TMEM108: variants seen among roughly 807,000 people sequenced by gnomAD.
The protein encoded by TMEM108 is cancer/testis antigen 124.
A neutral mutation model predicts 35.1 loss-of-function variants in TMEM108; 12 were observed. The observed-to-expected ratio is 0.34, with a 90% CI of 0.22 to 0.55. The LOEUF (loss-of-function observed/expected upper bound fraction) is 0.55, where lower values mean the gene tolerates loss of function less well. Ranked by LOEUF, TMEM108 falls within the 20% of genes least tolerant of loss-of-function variation. The probability of loss-of-function intolerance (pLI) is 0.89; values close to 1 mark genes in which losing one functional copy is unlikely to be tolerated. For missense variants in TMEM108, 680 were observed against 753.3 expected (o/e 0.90, Z 1.14); for synonymous variants, 287 against 308.6 (o/e 0.93, Z 0.73).
chr3:133,234,651 A>G (rs1429719691), intron 3 of TMEM108, among the ~76,000 whole-genome samples: 1 of 152,156 alleles, frequency 6.6e-6, no homozygotes, highest in Non-Finnish European at 1.5e-5. Context: ...ATCATACTGA[A>G]TGGGCAAAAA....
At chr3:133,357,884 G>A (rs897377947) in intron 3 of TMEM108, among the ~76,000 whole-genome samples, 1 of 152,042 alleles carries the variant, frequency 6.6e-6, no homozygotes, top group African/African-American at 2.4e-5. Flanking sequence ...CACCACTGTA[G>A]AACTCATCCA....
At chr3:133,055,583 G>C (rs1943456703) in intron 2 of TMEM108, among the ~76,000 whole-genome samples, 2 of 152,276 alleles carry the variant, frequency 1.3e-5, no homozygotes, top group South Asian at 4.1e-4. Context: ...AGATCCCTGA[G>C]GGCCTAGGAC....
chr3:133,061,316 A>G (rs1215770371), intron 2 of TMEM108, among the ~76,000 whole-genome samples: 1 of 149,188 alleles, frequency 6.7e-6, no homozygotes, highest in African/African-American at 2.5e-5. Flanking sequence ...GGTTCACGCC[A>G]TTCTCCACCT....
At chr3:133,241,237 G>A (rs1946308405) in intron 3 of TMEM108, among the ~76,000 whole-genome samples, 1 of 152,246 alleles carries the variant, frequency 6.6e-6, no homozygotes, top group Non-Finnish European at 1.5e-5. Flanking sequence ...GATGGACACT[G>A]GAGATTCTTC....
At chr3:133,193,543 T>C (rs1348176443) in intron 2 of TMEM108, among the ~76,000 whole-genome samples, 1 of 152,186 alleles carries the variant, frequency 6.6e-6, no homozygotes, top group Non-Finnish European at 1.5e-5. Context: ...ACCTAAACTT[T>C]CTTAGCACTC....
At chr3:133,394,998 A>G (rs2073285418) in intron 5 of TMEM108, among the ~76,000 whole-genome samples, 1 of 152,224 alleles carries the variant, frequency 6.6e-6, no homozygotes, top group Non-Finnish European at 1.5e-5. Context: ...GGAAGAAGCT[A>G]TGACTTTCTT....
chr3:133,127,000 TTAA>T (rs1310658034), intron 2 of TMEM108, among the ~76,000 whole-genome samples: 1 of 152,176 alleles, frequency 6.6e-6, no homozygotes, highest in Non-Finnish European at 1.5e-5. Flanking sequence ...AATATAACTA[TTAA>T]TGAGATATTT....
At chr3:133,068,373 G>A (rs899645471) in intron 2 of TMEM108, among the ~76,000 whole-genome samples, 2 of 152,096 alleles carry the variant, frequency 1.3e-5, no homozygotes, top group Non-Finnish European at 2.9e-5. Flanking sequence ...GGGCCAAGAG[G>A]TTAAAGTGTG....
chr3:133,397,504 C>T lies in TMEM108; in HGVS notation c.*1518C>T, dbSNP rs1369619616. Reference sequence around the variant, plus strand: ...GACTCTTCAACCCACAAAGAAGCAACTAAATGTTTCTCTAAGTTTAATTTT... The same window carrying T: ...GACTCTTCAACCCACAAAGAAGCAATTAAATGTTTCTCTAAGTTTAATTTT... On this transcript the variant is annotated 3_prime_UTR_variant, in exon 6 of 6. Coordinates refer to ENST00000321871, the MANE Select transcript of TMEM108 (RefSeq NM_023943.4). The T allele has an allele frequency of 2.6e-5, 4 of 151,982 alleles. No homozygotes were observed. The highest frequency in any genetic ancestry group is 5.9e-5 in the Non-Finnish European group (4 of 68,008). 9.4% of individuals were successfully genotyped at this position (151,982 alleles called of 1,614,324 possible).
intron 3 of TMEM108, among the ~76,000 whole-genome samples, chr3:133,276,792 G>A (rs1454796364): frequency 1.3e-5 from 2 of 152,196 alleles, no homozygotes; most frequent in African/African-American, 4.8e-5. Flanking sequence ...CAGGTGCAGG[G>A]CTGGGGAGGC....
At chr3:133,057,431 GTGTGTATATATATATATATA>G (rs1190878627) in intron 2 of TMEM108, among the ~76,000 whole-genome samples, 1,946 of 42,384 alleles carry the variant, frequency 0.046, 59 homozygotes, top group East Asian at 0.13. Context: ...TTGTGTGTGT[GTGTGTATATATATATATATA>G]TATATATATA....
intron 3 of TMEM108, among the ~76,000 whole-genome samples, chr3:133,260,343 A>C (rs1317140049): frequency 2.0e-5 from 3 of 152,148 alleles, no homozygotes; most frequent in Non-Finnish European, 2.9e-5. Flanking sequence ...GCAGAGAATT[A>C]ATGGGGTTAC....
intron 3 of TMEM108, among the ~76,000 whole-genome samples, chr3:133,235,764 G>A (rs896701291): frequency 6.6e-6 from 1 of 152,120 alleles, no homozygotes; most frequent in South Asian, 2.1e-4. Context: ...CCCATAATTT[G>A]GTCCTCACAA....
At chr3:133,371,104 G>A (rs536525018) in intron 3 of TMEM108, among the ~76,000 whole-genome samples, 28 of 152,286 alleles carry the variant, frequency 1.8e-4, no homozygotes, top group African/African-American at 6.7e-4. Context: ...TCAGCCCGTT[G>A]AGCTCCAGCA....
At position 133,340,894 on chromosome 3, in the gene TMEM108, G is replaced by T. The variant is rs774405454; in HGVS notation, c.41-38858G>T. 8.9e-4 allele frequency among the ~76,000 whole-genome samples: 135 copies of T among 151,710 alleles called. 1 individual carries two copies. Among genetic ancestry groups the T allele is most frequent in the Non-Finnish European group, 2.8e-4 (19 of 67,724 alleles). On this transcript the variant is annotated intron_variant, in intron 3 of 5. Coordinates refer to ENST00000321871, the MANE Select transcript of TMEM108 (RefSeq NM_023943.4). ...ATGATAAAAACCCTCAAAAAAGTGG[G>T]TATAGAAGGAACATACCTCCACATA...
intron 3 of TMEM108, among the ~76,000 whole-genome samples, chr3:133,291,195 C>T (rs1487996005): frequency 1.3e-5 from 2 of 151,838 alleles, no homozygotes; most frequent in East Asian, 3.9e-4. Context: ...TTTCTGTCAC[C>T]CTATAAAGCC....
chr3:133,213,909 A>G (rs900428075), intron 2 of TMEM108, among the ~76,000 whole-genome samples: 5 of 152,172 alleles, frequency 3.3e-5, no homozygotes, highest in Admixed American at 1.3e-4. Flanking sequence ...TTAAAATTCA[A>G]TTTATACCCC....
At chr3:133,390,616 CT>C (rs2073220826) in intron 5 of TMEM108, among the ~76,000 whole-genome samples, 1 of 152,168 alleles carries the variant, frequency 6.6e-6, no homozygotes, top group South Asian at 2.1e-4. Flanking sequence ...CAGTGAGGAC[CT>C]GTTTTGTGCC....
chr3:133,171,893 A>G (rs759480780), intron 2 of TMEM108, among the ~76,000 whole-genome samples: 32 of 152,202 alleles, frequency 2.1e-4, no homozygotes, highest in Non-Finnish European at 3.2e-4. Context: ...AAGAAGTACC[A>G]GTGGCTGCAT....
Sources: allele counts gnomAD v4.1 joint callset (sites outside exome capture counted in the v4.1 genomes callset), GRCh38; gene constraint gnomAD v4.1.1; transcripts MANE v1.5; gene names NCBI Gene and HGNC (gene_info 2026-07-23, HGNC 2026-07-21).